PCDHA3: variants seen among roughly 807,000 people sequenced by gnomAD.
PCDHA3 encodes protocadherin alpha 3, also known as protocadherin alpha-3.
A neutral mutation model predicts 62.2 loss-of-function variants in PCDHA3; 41 were observed. The ratio of observed to expected loss-of-function variants is 0.66; its 90% CI spans 0.51 to 0.86. The LOEUF is 0.86. Ranked by LOEUF, PCDHA3 falls within the 40% of genes least tolerant of loss-of-function variation. PCDHA3 has a pLI of 0.00. For missense variants in PCDHA3, 1,304 were observed against 1,241.2 expected (o/e 1.05, Z -0.76); for synonymous variants, 640 against 555.4 (o/e 1.15, Z -2.14).
chr5:140,871,046 T>C, intron 1 of PCDHA3: 1 of 1,613,310 alleles, frequency 6.2e-7, no homozygotes, highest in Non-Finnish European at 8.5e-7. Context: ...CGACTTCTAG[T>C]ACTGGTGAAG....
intron 1 of PCDHA3, chr5:140,863,693 C>T: frequency 3.3e-6 from 1 of 301,562 alleles, no homozygotes; most frequent in African/African-American, 2.2e-5. Flanking sequence ...TTTTGAGATG[C>T]TTTATTTAAA....
Position 140,803,182 on chromosome 5 carries a change from C to T in PCDHA3, c.1985C>T (p.Thr662Met), listed in dbSNP as rs17844261. ...KDHGEPSLTA[T>M]ATVLVSLVES... Reference sequence around the variant, plus strand: ...CACGGTGAACCCTCATTGACCGCCACGGCCACTGTGCTGGTGTCGCTGGTG... The same window carrying T: ...CACGGTGAACCCTCATTGACCGCCATGGCCACTGTGCTGGTGTCGCTGGTG... The change falls in exon 1 of 4, where the codon ACG (threonine) becomes ATG (methionine). Residue 662 changes from threonine to methionine, a missense_variant. Coordinates refer to ENST00000522353, the MANE Select transcript of PCDHA3 (RefSeq NM_018906.3). The T allele has an allele frequency of 2.7e-4, 440 of 1,613,916 alleles. 3 individuals carry two copies. In the East Asian group the frequency reaches 9.4e-3, roughly 34 times the overall value.
intron 1 of PCDHA3, chr5:140,869,246 T>C (rs782232383): frequency 1.2e-6 from 2 of 1,613,640 alleles, no homozygotes. Flanking sequence ...GTGGGCCGCA[T>C]CGCGCAGGAC....
chr5:140,834,743 C>A (rs2150225305), intron 1 of PCDHA3: 4 of 1,614,056 alleles, frequency 2.5e-6, no homozygotes, highest in African/African-American at 1.3e-5. Context: ...TCCATGTGGA[C>A]GTGGAGGTGA....
intron 1 of PCDHA3, among the ~76,000 whole-genome samples, chr5:140,872,147 A>G (rs182622131): frequency 6.6e-6 from 1 of 152,118 alleles, no homozygotes; most frequent in East Asian, 1.9e-4. Flanking sequence ...CTCCATTAGT[A>G]TGACATGATT....
chr5:140,842,778 A>G lies in PCDHA3; in HGVS notation c.2394+39187A>G, dbSNP rs2150344056. 1.9e-5 allele frequency: 31 copies of G among 1,594,532 alleles called. No homozygotes were observed. The East Asian group carries it at 6.7e-4, about 34-fold the overall frequency. ...TCTGCGCGAGACGCGGACGCGCAGG[A>G]GAACGCGCTGGTGTCCTACTCGCTT... is the stretch of plus-strand genomic sequence containing the variant. On this transcript the variant is annotated intron_variant, in intron 1 of 3. Coordinates refer to ENST00000522353, the MANE Select transcript of PCDHA3 (RefSeq NM_018906.3).
chr5:140,823,672 A>T, intron 1 of PCDHA3: 15 of 1,614,048 alleles, frequency 9.3e-6, no homozygotes, highest in Non-Finnish European at 1.3e-5. Flanking sequence ...GATCAGCACA[A>T]CACGCTCTCT....
At chr5:140,870,426 C>G (rs574302735) in intron 1 of PCDHA3, 1 of 1,614,208 alleles carries the variant, frequency 6.2e-7, no homozygotes, top group African/African-American at 1.3e-5. Flanking sequence ...CCAGGGTATC[C>G]GTGGAGGTGG....
rs2093245729 is a variant in PCDHA3 at position 140,942,201 on chromosome 5, G to A, written c.2395-36748G>A. Among the ~76,000 whole-genome samples, 3 of 151,938 alleles carry A rather than the reference G, an allele frequency of 2.0e-5. No individual in the cohort carries two copies. The South Asian group carries it at 6.2e-4, about 32-fold the overall frequency. On this transcript the variant is annotated intron_variant, in intron 1 of 3. Coordinates refer to ENST00000522353, the MANE Select transcript of PCDHA3 (RefSeq NM_018906.3). Reference sequence around the variant, plus strand: ...GACATTTTATTTAAAATACATTTTTGAGCATAAGATATTTAAAATGTGTAG... The same window carrying A: ...GACATTTTATTTAAAATACATTTTTAAGCATAAGATATTTAAAATGTGTAG...
At chr5:140,848,439 G>T in intron 1 of PCDHA3, 4 of 1,486,148 alleles carry the variant, frequency 2.7e-6, no homozygotes, top group South Asian at 2.5e-5. Flanking sequence ...GAAATCAGAT[G>T]ATTTCTTCTA....
chr5:140,913,103 G>A (rs2076206771), intron 1 of PCDHA3, among the ~76,000 whole-genome samples: 1 of 152,144 alleles, frequency 6.6e-6, no homozygotes, highest in Admixed American at 6.5e-5. Context: ...TGGCCTCATA[G>A]AATCAGTTTG....
intron 1 of PCDHA3, chr5:140,809,344 C>A (rs782610697): frequency 2.2e-5 from 35 of 1,614,082 alleles, no homozygotes; most frequent in Middle Eastern, 1.7e-4. Flanking sequence ...TGCTGTACAC[C>A]GCGCTGCGGT....
At chr5:140,829,087 TC>T in intron 1 of PCDHA3, 2 of 1,611,204 alleles carry the variant, frequency 1.2e-6, no homozygotes, top group South Asian at 2.2e-5. Flanking sequence ...CCATGGCGGG[TC>T]ATTGCACCGT....
intron 1 of PCDHA3, among the ~76,000 whole-genome samples, chr5:140,893,392 C>T (rs116952410): frequency 6.6e-6 from 1 of 152,112 alleles, no homozygotes; most frequent in African/African-American, 2.4e-5. Context: ...GTGGCTCATG[C>T]CTGTAATCCC....
chr5:140,961,114 A>G (rs2095591473), intron 1 of PCDHA3, among the ~76,000 whole-genome samples: 1 of 152,212 alleles, frequency 6.6e-6, no homozygotes, highest in African/African-American at 2.4e-5. Flanking sequence ...ACCCCCTTGC[A>G]TCTTAATGTC....
intron 1 of PCDHA3, chr5:140,808,331 A>C (rs782169287): frequency 6.2e-6 from 10 of 1,614,132 alleles, no homozygotes; most frequent in African/African-American, 4.0e-5. Context: ...CATGGGTGTC[A>C]ATGGGCTGGT....
intron 3 of PCDHA3, among the ~76,000 whole-genome samples, chr5:140,996,121 G>A (rs2097712758): frequency 6.6e-6 from 1 of 152,212 alleles, no homozygotes; most frequent in Admixed American, 6.5e-5. Flanking sequence ...GTGCAGGGTG[G>A]TGTAGAGGGT....
At chr5:140,842,169 G>A (rs2150330880) in intron 1 of PCDHA3, 3 of 1,613,820 alleles carry the variant, frequency 1.9e-6, no homozygotes, top group South Asian at 1.1e-5. Context: ...TCTTTTAATA[G>A]CCTTGTTGAA....
chr5:140,829,347 C>A, intron 1 of PCDHA3: 1 of 1,614,232 alleles, frequency 6.2e-7, no homozygotes, highest in South Asian at 1.1e-5. Context: ...GAGAGCGTGT[C>A]GGCCTATGAG....
Sources: gnomAD v4.1 joint callset for allele counts (sites outside exome capture counted in the v4.1 genomes callset) on GRCh38, gnomAD v4.1.1 for gene constraint, MANE v1.5 for transcripts, NCBI Gene and HGNC (gene_info 2026-07-23, HGNC 2026-07-21) for gene names.